FAM161A: variants seen among roughly 807,000 people sequenced by gnomAD.
FAM161A encodes FAM161 centrosomal protein A.
Under a neutral mutation model 70.9 loss-of-function variants are expected in FAM161A, and 57 were observed. The observed-to-expected ratio is 0.80, with a 90% CI of 0.65 to 1.00. The LOEUF (loss-of-function observed/expected upper bound fraction) is 1.00. Among genes scored for constraint, FAM161A ranks in the 50% least tolerant of loss-of-function variants. The pLI is 0.00. For synonymous variants in FAM161A, 299 were observed against 295.7 expected, an observed-to-expected ratio of 1.01 and a Z score of -0.12; for missense variants, 880 against 836.0, an observed-to-expected ratio of 1.05 and a Z score of -0.65.
chr2:61,838,571 G>A lies in FAM161A; in HGVS notation c.1718C>T (p.Ala573Val). ...AKAYDSHQSLAQISKSRVKCL... is the reference protein window; with the variant it reads ...AKAYDSHQSLVQISKSRVKCL... ...TTTTACTCTGGATTTAGATATTTGAGCTAAACTTTGATGTGAGTCATAAGC... is the reference window on the plus strand; with the variant it reads ...TTTTACTCTGGATTTAGATATTTGAACTAAACTTTGATGTGAGTCATAAGC... The change falls in exon 4 of 7, where the codon GCT becomes GTT. Residue 573 changes from alanine (A) to valine (V), a missense_variant. Ala to Val is a moderately conservative substitution (Grantham distance 64). Coordinates refer to ENST00000404929, the MANE Select transcript of FAM161A (RefSeq NM_001201543.2). The A allele has an allele frequency of 6.2e-7, 1 of 1,610,948 alleles. No homozygotes were observed. Among genetic ancestry groups the A allele is most frequent in the African/African-American group, 1.3e-5 (1 of 74,984 alleles).
rs1482146806 is a variant in FAM161A, at chr2:61,840,515, T to C, written c.489A>G (p.Leu163=). Residue 163 remains leucine (L), a synonymous_variant, in exon 3 of 7, where the codon TTA becomes TTG. Transcript: ENST00000404929. ...SLMTSFSEPD[L]GQSSSLYVSS... ...ACACATACAAGGAGGAAGACTGGCC[T>C]AAATCAGGCTCTGAAAATGATGTCA... The C allele has an allele frequency of 3.7e-6, 6 of 1,613,832 alleles. No individual in the cohort carries two copies. In the Admixed American group the frequency reaches 6.7e-5, roughly 18 times the overall value.
At chr2:61,801,960 G>A in the FAM161A span, among the ~76,000 whole-genome samples, 1 of 152,104 alleles carries the variant, frequency 6.6e-6, no homozygotes, top group Non-Finnish European at 1.5e-5. Flanking sequence ...TCTATAATTT[G>A]CATTCTCCCA....
chr2:61,817,841 G>A, the FAM161A span, among the ~76,000 whole-genome samples: 1 of 151,942 alleles, frequency 6.6e-6, no homozygotes, highest in East Asian at 1.9e-4. Context: ...TGGCTTGCAG[G>A]AGTGGTCCCA....
chr2:61,850,172 G>T (rs535317011), intron 1 of FAM161A, among the ~76,000 whole-genome samples: 1 of 152,014 alleles, frequency 6.6e-6, no homozygotes, highest in Non-Finnish European at 1.5e-5. Flanking sequence ...TGAGGCGGGC[G>T]GATCACCTGA....
chr2:61,812,399 T>C, the FAM161A span, among the ~76,000 whole-genome samples: 1 of 152,134 alleles, frequency 6.6e-6, no homozygotes, highest in South Asian at 2.1e-4. Flanking sequence ...CTGGTTAAAA[T>C]GAAATAATTA....
chr2:61,845,159 A>T (rs1230800159), intron 1 of FAM161A, among the ~76,000 whole-genome samples: 1 of 152,134 alleles, frequency 6.6e-6, no homozygotes, highest in Non-Finnish European at 1.5e-5. Flanking sequence ...GCAACAAGAC[A>T]TGAGAGGACC....
chr2:61,813,475 G>C, the FAM161A span, among the ~76,000 whole-genome samples: 1 of 150,374 alleles, frequency 6.7e-6, no homozygotes, highest in Non-Finnish European at 1.5e-5. Flanking sequence ...TTGAATCCAG[G>C]AGGCAGAGGT....
intron 1 of FAM161A, among the ~76,000 whole-genome samples, chr2:61,846,026 T>A (rs1673197552): frequency 7.0e-6 from 1 of 142,526 alleles, no homozygotes; most frequent in South Asian, 2.1e-4. Context: ...GAGGCAGAGA[T>A]TGCAGTAAGC....
At chr2:61,805,746 T>A in the FAM161A span, among the ~76,000 whole-genome samples, 1 of 152,106 alleles carries the variant, frequency 6.6e-6, no homozygotes, top group African/African-American at 2.4e-5. Context: ...CAACTGCCAA[T>A]GATCTGTTGC....
chr2:61,851,237 T>A (rs1238653125), intron 1 of FAM161A, among the ~76,000 whole-genome samples: 1 of 152,248 alleles, frequency 6.6e-6, no homozygotes, highest in South Asian at 2.1e-4. Context: ...ATGTGAGCTA[T>A]ATATACACTG....
Position 61,826,109 on chromosome 2 carries a change from CTCCTT to C in FAM161A, c.*341_*345del, listed in dbSNP as rs555494595. ...AACCACCAAAGACCAATACTTCTCT[CTCCTT>C]TCAATACTAAGCCATTTTTTCCAGT... On this transcript the variant is annotated 3_prime_UTR_variant, in exon 7 of 7. Transcript: ENST00000404929. The C allele has an allele frequency of 5.6e-4, 265 of 477,062 alleles. 1 individual carries two copies. Among genetic ancestry groups the C allele is most frequent in the African/African-American group, 4.5e-3 (228 of 51,090 alleles). 29.6% of individuals were successfully genotyped at this position (477,062 alleles called of 1,614,324 possible).
Position 61,827,123 on chromosome 2 carries a change from CACTT to C in FAM161A, c.1983_1986del (p.Val663LeufsTer13). On this transcript the variant is annotated frameshift_variant, in exon 6 of 7. Transcript: ENST00000404929. LOFTEE classifies it high-confidence loss of function. ...TGTTACCTTTCTTTGTCTTCAGTGA[CACTT>C]TTCGTCTCTTGATTGTTGAAGTACT... 6.2e-7 allele frequency: 1 copy of C among 1,613,816 alleles called. No individual in the cohort carries two copies. The highest frequency in any genetic ancestry group is 8.5e-7 in the Non-Finnish European group (1 of 1,179,970).
chr2:61,819,432 C>T, the FAM161A span, among the ~76,000 whole-genome samples: 2 of 152,182 alleles, frequency 1.3e-5, no homozygotes, highest in Admixed American at 6.5e-5. Context: ...TGCTACACTC[C>T]AGCCTGGGTG....
At chr2:61,815,281 T>C in the FAM161A span, among the ~76,000 whole-genome samples, 1 of 152,166 alleles carries the variant, frequency 6.6e-6, no homozygotes, top group Non-Finnish European at 1.5e-5. Context: ...ATATTCCATA[T>C]AATTACAAAG....
chr2:61,807,128 G>C, the FAM161A span, among the ~76,000 whole-genome samples: 1 of 152,066 alleles, frequency 6.6e-6, no homozygotes, highest in Admixed American at 6.5e-5. Context: ...AAGAGACAAA[G>C]GTGTGTTCTT....
chr2:61,840,628 A>T (rs755460713), intron 2 of FAM161A, 47 bp from the exon 3 acceptor site: 5 of 1,359,884 alleles, frequency 3.7e-6, no homozygotes, highest in Non-Finnish European at 5.2e-6. Context: ...GTATGTGACC[A>T]AATATAAAAA....
chr2:61,807,998 T>C, the FAM161A span, among the ~76,000 whole-genome samples: 1 of 152,110 alleles, frequency 6.6e-6, no homozygotes, highest in African/African-American at 2.4e-5. Flanking sequence ...ATTTGGGTAT[T>C]CCAGAGAACA....
rs1302479004 is a variant in FAM161A, at chr2:61,849,088, ATATT to A, written c.183+4767_183+4770del. On this transcript the variant is annotated intron_variant, in intron 1 of 6. Coordinates refer to ENST00000404929, the MANE Select transcript of FAM161A (RefSeq NM_001201543.2). The stretch of plus-strand genomic sequence containing the variant: ...TATATAAATATATATATTTATATAT[ATATT>A]TAAATATATATATTTATATATATAT... Among the ~76,000 whole-genome samples, 34 of 60,538 alleles carry A rather than the reference ATATT, an allele frequency of 5.6e-4. 9 individuals are homozygous for A. The highest frequency in any genetic ancestry group is 2.9e-3 in the African/African-American group (34 of 11,704). 39.7% of individuals were successfully genotyped at this position (60,538 alleles called of 152,430 possible).
At chr2:61,852,300 G>C (rs1443491057) in intron 1 of FAM161A, among the ~76,000 whole-genome samples, 1 of 152,082 alleles carries the variant, frequency 6.6e-6, no homozygotes, top group Non-Finnish European at 1.5e-5. Context: ...AAGCATATCT[G>C]CAACTTAGAA....
Sources: gnomAD v4.1 joint callset for allele counts (sites outside exome capture counted in the v4.1 genomes callset) on GRCh38, gnomAD v4.1.1 for gene constraint, MANE v1.5 for transcripts, NCBI Gene and HGNC (gene_info 2026-07-23, HGNC 2026-07-21) for gene names.